CTNNA2: variants seen among roughly 807,000 people sequenced by gnomAD.
The protein encoded by CTNNA2 is catenin alpha 2.
In CTNNA2, 42 loss-of-function variants were observed where a neutral mutation model predicts 101.0. That is an observed-to-expected ratio of 0.42 (90% confidence interval 0.32 to 0.54). The LOEUF is 0.54. CTNNA2 is among the 20% of genes least tolerant of loss of function. The probability of loss-of-function intolerance (pLI) is 0.14; values close to 1 mark genes in which losing one functional copy is unlikely to be tolerated. For synonymous variants in CTNNA2, 450 were observed against 456.4 expected (o/e 0.99, Z 0.18); for missense variants, 871 against 1,223.1 (o/e 0.71, Z 4.29).
chr2:79,642,666 C>T lies in CTNNA2; in HGVS notation c.-5-8886C>T, dbSNP rs148177828. Among the ~76,000 whole-genome samples the T allele has an allele frequency of 7.2e-5, 11 of 152,220 alleles. No homozygotes were observed. The East Asian group carries it at 1.9e-3, about 27-fold the overall frequency. Reference sequence around the variant, plus strand: ...AGGAAGAGTGACAAATGCCATCTTCCTCCCACCTCCATTTGGACATGGTGT... The same window carrying T: ...AGGAAGAGTGACAAATGCCATCTTCTTCCCACCTCCATTTGGACATGGTGT... On this transcript the variant is annotated intron_variant, in intron 1 of 18. Transcript: ENST00000402739.
At chr2:80,621,634 T>A (rs930667290) in intron 18 of CTNNA2, among the ~76,000 whole-genome samples, 5 of 151,982 alleles carry the variant, frequency 3.3e-5, no homozygotes, top group Non-Finnish European at 5.9e-5. Context: ...AGGTAATAGA[T>A]GTAGCTGATC....
intron 1 of CTNNA2, among the ~76,000 whole-genome samples, chr2:79,614,187 TTTCTC>T (rs1162901956): frequency 1.3e-5 from 2 of 152,190 alleles, no homozygotes; most frequent in Admixed American, 6.5e-5. Context: ...TAAAAGCAGT[TTTCTC>T]TACTCCTCTT....
chr2:80,395,325 T>C (rs1276910184), intron 8 of CTNNA2, among the ~76,000 whole-genome samples: 1 of 152,196 alleles, frequency 6.6e-6, no homozygotes. Flanking sequence ...TGTTTCATGG[T>C]ATTAAGATCC....
chr2:79,574,317 C>G (rs568086687), intron 1 of CTNNA2: 1 of 152,016 alleles, frequency 6.6e-6, no homozygotes. Context: ...TTTCATCACC[C>G]GTAATAAGCA....
At chr2:79,627,437 G>A (rs1489714976) in intron 1 of CTNNA2, among the ~76,000 whole-genome samples, 2 of 152,200 alleles carry the variant, frequency 1.3e-5, no homozygotes, top group East Asian at 3.8e-4. Flanking sequence ...ACCCAGCAGA[G>A]TGCTGCCTGC....
intron 7 of CTNNA2, chr2:80,313,278 C>CTA (rs1677775703): frequency 1.3e-6 from 1 of 783,332 alleles, no homozygotes; most frequent in Non-Finnish European, 1.7e-6. Context: ...CAATCTCTGA[C>CTA]AAGAATCTTG....
chr2:79,439,750 T>C (rs1016807587), intron 4 of CTNNA2, among the ~76,000 whole-genome samples: 28 of 152,118 alleles, frequency 1.8e-4, no homozygotes, highest in African/African-American at 6.8e-4. Context: ...AGCATTAGAA[T>C]CACCTGTGAG....
chr2:79,968,969 T>C (rs1244878468), intron 7 of CTNNA2, among the ~76,000 whole-genome samples: 1 of 152,180 alleles, frequency 6.6e-6, no homozygotes, highest in African/African-American at 2.4e-5. Flanking sequence ...TTCGTCTTAA[T>C]AGCCCTATGA....
At chr2:79,489,314 G>T (rs1671187085) in intron 4 of CTNNA2, among the ~76,000 whole-genome samples, 1 of 152,016 alleles carries the variant, frequency 6.6e-6, no homozygotes, top group East Asian at 1.9e-4. Context: ...AATCCCAAGG[G>T]TCCAGAACCT....
At chr2:79,856,732 C>G (rs1298723991) in intron 3 of CTNNA2, among the ~76,000 whole-genome samples, 3 of 152,126 alleles carry the variant, frequency 2.0e-5, no homozygotes, top group African/African-American at 7.2e-5. Context: ...CGTGTCAGCC[C>G]TCATCGTCAG....
At chr2:79,287,233 C>G (rs1042610313) in intron 2 of CTNNA2, among the ~76,000 whole-genome samples, 4 of 152,212 alleles carry the variant, frequency 2.6e-5, no homozygotes, top group African/African-American at 9.7e-5. Context: ...ATTTGATCAT[C>G]TGAAGCCTTC....
chr2:79,739,304 T>C (rs1000896361), intron 2 of CTNNA2, among the ~76,000 whole-genome samples: 4 of 152,198 alleles, frequency 2.6e-5, no homozygotes. Flanking sequence ...TTCTCAGTGT[T>C]TGCTTACAAA....
At chr2:79,292,094 A>T (rs1180544866) in intron 2 of CTNNA2, among the ~76,000 whole-genome samples, 1 of 152,136 alleles carries the variant, frequency 6.6e-6, no homozygotes, top group Non-Finnish European at 1.5e-5. Flanking sequence ...AATGTTGGAA[A>T]GGTAATTATG....
At chr2:79,336,320 G>A (rs1054854635) in intron 3 of CTNNA2, among the ~76,000 whole-genome samples, 5 of 152,108 alleles carry the variant, frequency 3.3e-5, no homozygotes, top group Admixed American at 6.5e-5. Flanking sequence ...ATATTCCTTC[G>A]TGTGTGACAT....
intron 4 of CTNNA2, among the ~76,000 whole-genome samples, chr2:79,418,935 T>C (rs187247999): frequency 6.6e-6 from 1 of 152,262 alleles, no homozygotes; most frequent in East Asian, 1.9e-4. Flanking sequence ...TATTAGCACA[T>C]AGGTCATTAA....
At chr2:80,349,769 C>T (rs994487445) in intron 7 of CTNNA2, among the ~76,000 whole-genome samples, 2 of 152,092 alleles carry the variant, frequency 1.3e-5, no homozygotes, top group African/African-American at 4.8e-5. Flanking sequence ...ATCATCCTGC[C>T]TTAGCCTCCG....
intron 7 of CTNNA2, among the ~76,000 whole-genome samples, chr2:80,035,531 G>A (rs1345391364): frequency 6.6e-6 from 1 of 152,076 alleles, no homozygotes; most frequent in Non-Finnish European, 1.5e-5. Context: ...ATATTTATTT[G>A]CTATAGTTCA....
chr2:79,578,255 G>A (rs993247654), intron 1 of CTNNA2, among the ~76,000 whole-genome samples: 22 of 151,774 alleles, frequency 1.4e-4, no homozygotes, highest in Non-Finnish European at 2.9e-5. Context: ...TTTTTAATAT[G>A]TAGAATTTCA....
chr2:80,616,277 A>G (rs1232587472), intron 17 of CTNNA2: 1 of 151,768 alleles, frequency 6.6e-6, no homozygotes, highest in Non-Finnish European at 1.5e-5. Flanking sequence ...AGACGCTACC[A>G]TAAAACAAAA....
Sources: gnomAD v4.1 joint callset for allele counts (sites outside exome capture counted in the v4.1 genomes callset) on GRCh38, gnomAD v4.1.1 for gene constraint, MANE v1.5 for transcripts, NCBI Gene and HGNC (gene_info 2026-07-23, HGNC 2026-07-21) for gene names.